CBLN2: variants seen among roughly 807,000 people sequenced by gnomAD.
CBLN2 encodes cerebellin 2 precursor, also known as cerebellin-2.
A neutral mutation model predicts 15.0 loss-of-function variants in CBLN2; 7 were observed. That is an observed-to-expected ratio of 0.47 (90% CI 0.27 to 0.88). The LOEUF is 0.88. Ranked by LOEUF, CBLN2 falls within the 40% of genes least tolerant of loss-of-function variation. CBLN2 has a pLI of 0.14. For missense variants in CBLN2, 242 were observed against 304.5 expected (o/e 0.79, Z 1.53); for synonymous variants, 149 against 135.2 (o/e 1.10, Z -0.71).
At chr18:72,596,337 T>C (rs1369861537) in intron 1 of CBLN2, among the ~76,000 whole-genome samples, 3 of 152,104 alleles carry the variant, frequency 2.0e-5, no homozygotes, top group African/African-American at 7.2e-5. Context: ...TCCTCCTGCT[T>C]CTTAACTTTT....
chr18:72,620,436 A>G (rs1210117875), intron 1 of CBLN2: 1 of 152,236 alleles, frequency 6.6e-6, no homozygotes, highest in Non-Finnish European at 1.5e-5. Context: ...CTTCCCCTCA[A>G]GTCTGGCCAT....
At chr18:72,617,000 A>G (rs1167537874) in intron 1 of CBLN2, among the ~76,000 whole-genome samples, 1 of 152,222 alleles carries the variant, frequency 6.6e-6, no homozygotes, top group Non-Finnish European at 1.5e-5. Flanking sequence ...AGAGATAAAT[A>G]AATGCTTATT....
intron 1 of CBLN2, among the ~76,000 whole-genome samples, chr18:72,598,420 T>A (rs1044661730): frequency 6.6e-6 from 1 of 152,222 alleles, no homozygotes; most frequent in African/African-American, 2.4e-5. Flanking sequence ...GGTATCCACG[T>A]TGCAAGACAA....
chr18:72,557,565 T>A (rs2144888985), intron 1 of CBLN2, among the ~76,000 whole-genome samples: 2 of 152,328 alleles, frequency 1.3e-5, no homozygotes, highest in Admixed American at 1.3e-4. Flanking sequence ...CACGGAATAC[T>A]ATGCAGCCAT....
intron 1 of CBLN2, among the ~76,000 whole-genome samples, chr18:72,554,230 G>A (rs1055558837): frequency 2.0e-5 from 3 of 151,836 alleles, no homozygotes; most frequent in Admixed American, 6.6e-5. Flanking sequence ...AAATTGAAAT[G>A]TATTATAAAA....
Position 72,538,650 on chromosome 18 carries a change from C to A in CBLN2, c.477+3G>T. The A allele has an allele frequency of 6.2e-7, 1 of 1,613,766 alleles. No individual in the cohort carries two copies. The highest frequency in any genetic ancestry group is 1.1e-5 in the South Asian group (1 of 91,066). On this transcript the variant is annotated splice_donor_region_variant and intron_variant, in intron 4 of 4. Coordinates refer to ENST00000269503, the MANE Select transcript of CBLN2 (RefSeq NM_182511.4). ...GAAAGGATCCAGTTTCAAATCTACC[C>A]ACCTGGATGGTTTGTCTGTTATACA...
chr18:72,591,798 T>C (rs753047758), intron 1 of CBLN2, among the ~76,000 whole-genome samples: 7 of 152,174 alleles, frequency 4.6e-5, no homozygotes, highest in Non-Finnish European at 1.0e-4. Flanking sequence ...CTTCTCCAGT[T>C]CCATCTATGT....
Position 72,538,389 on chromosome 18 carries a change from T to A in CBLN2, c.478-16A>T. 1 of 1,612,760 alleles carries A rather than the reference T, an allele frequency of 6.2e-7. No individual in the cohort carries two copies. The highest frequency in any genetic ancestry group is 8.5e-7 in the Non-Finnish European group (1 of 1,179,240). ...TTAAACTGACCTAAAATGCAGAGAG[T>A]AGAGCTCAGCAGACCATAAAGCACC... On this transcript the variant is annotated splice_polypyrimidine_tract_variant and intron_variant, in intron 4 of 4. Transcript: ENST00000269503.
chr18:72,577,039 A>G (rs2069372400), intron 1 of CBLN2, among the ~76,000 whole-genome samples: 1 of 147,892 alleles, frequency 6.8e-6, no homozygotes, highest in African/African-American at 2.4e-5. Flanking sequence ...TAATGTATAA[A>G]TTATATATAT....
intron 1 of CBLN2, among the ~76,000 whole-genome samples, chr18:72,625,814 C>CTATATATATATATATATA (rs1250960600): frequency 1.5e-5 from 1 of 66,576 alleles, no homozygotes; most frequent in Admixed American, 1.9e-4. Context: ...CTCTCTCTCT[C>CTATATATATATATATATA]TCTCTATATA....
intron 3 of CBLN2, chr18:72,540,330 C>T (rs987684946): frequency 6.6e-6 from 1 of 152,182 alleles, no homozygotes; most frequent in African/African-American, 2.4e-5. Flanking sequence ...GAAAAGCAGA[C>T]CTCAGCTCCT....
intron 1 of CBLN2, among the ~76,000 whole-genome samples, chr18:72,594,706 T>A (rs1177195314): frequency 6.6e-6 from 1 of 152,126 alleles, no homozygotes; most frequent in Non-Finnish European, 1.5e-5. Context: ...TTTGATCACA[T>A]TACTTGTTGT....
At chr18:72,620,273 C>T (rs566794393) in intron 1 of CBLN2, 28 of 152,250 alleles carry the variant, frequency 1.8e-4, no homozygotes, top group African/African-American at 6.0e-4. Flanking sequence ...AGTATCTGCA[C>T]TTGTGGCTCC....
At chr18:72,580,611 T>C (rs2069396541) in intron 1 of CBLN2, among the ~76,000 whole-genome samples, 1 of 152,218 alleles carries the variant, frequency 6.6e-6, no homozygotes, top group Non-Finnish European at 1.5e-5. Context: ...ATTTTGCCTT[T>C]CATCATTTGT....
At chr18:72,608,393 G>C (rs1029183555) in intron 1 of CBLN2, among the ~76,000 whole-genome samples, 1 of 152,120 alleles carries the variant, frequency 6.6e-6, no homozygotes, top group Non-Finnish European at 1.5e-5. Context: ...CACATCGTTG[G>C]CTTCTTTCTG....
At chr18:72,568,838 C>T (rs1405683635) in intron 1 of CBLN2, among the ~76,000 whole-genome samples, 3 of 151,792 alleles carry the variant, frequency 2.0e-5, no homozygotes, top group Non-Finnish European at 4.4e-5. Flanking sequence ...GTTGTTTTGT[C>T]GATTTAAGAA....
chr18:72,593,658 T>G (rs1436100713), intron 1 of CBLN2, among the ~76,000 whole-genome samples: 2 of 152,124 alleles, frequency 1.3e-5, no homozygotes, highest in Non-Finnish European at 2.9e-5. Flanking sequence ...CATATATGGG[T>G]TTTATCATGT....
At chr18:72,613,531 T>C (rs953983257) in intron 1 of CBLN2, among the ~76,000 whole-genome samples, 3 of 152,016 alleles carry the variant, frequency 2.0e-5, no homozygotes, top group Non-Finnish European at 4.4e-5. Context: ...TCCACCCTAA[T>C]GTGGCATGCC....
At chr18:72,549,200 A>G (rs2069177168), upstream of CBLN2, among the ~76,000 whole-genome samples, 1 of 151,806 alleles carries the variant, frequency 6.6e-6, no homozygotes, top group Non-Finnish European at 1.5e-5. Flanking sequence ...TTAGTAGGGA[A>G]GGGGTTTCAC....
Sources: allele counts gnomAD v4.1 joint callset (sites outside exome capture counted in the v4.1 genomes callset), GRCh38; gene constraint gnomAD v4.1.1; transcripts MANE v1.5; gene names NCBI Gene and HGNC (gene_info 2026-07-23, HGNC 2026-07-21).